Variants in ARID1A observed in about 807,000 individuals in gnomAD.
ARID1A encodes the protein AT-rich interactive domain-containing protein 1A.
A neutral mutation model predicts 212.6 loss-of-function variants in ARID1A; 20 were observed. The observed-to-expected ratio is 0.09, with a 90% CI of 0.07 to 0.14. ARID1A has a LOEUF of 0.14. ARID1A is among the 10% of genes least tolerant of loss of function. The pLI, the probability that ARID1A is intolerant of heterozygous loss-of-function variation, is 1.00. For synonymous variants in ARID1A, 1,376 were observed against 1,222.1 expected (o/e 1.13, Z -2.63); for missense variants, 2,587 against 3,059.0 (o/e 0.85, Z 3.64).
At chr1:26,719,569 G>T (rs1338767125) in intron 1 of ARID1A, among the ~76,000 whole-genome samples, 1 of 151,664 alleles carries the variant, frequency 6.6e-6, no homozygotes, top group Non-Finnish European at 1.5e-5. Context: ...GTTTAAAGAT[G>T]ATTCTGGTGC....
At chr1:26,707,097 A>G (rs1171777414) in intron 1 of ARID1A, among the ~76,000 whole-genome samples, 1 of 150,690 alleles carries the variant, frequency 6.6e-6, no homozygotes, top group East Asian at 1.9e-4. Flanking sequence ...GCAGTGGGGC[A>G]ATTTCAGCTC....
At chr1:26,709,858 A>G (rs147897803) in intron 1 of ARID1A, among the ~76,000 whole-genome samples, 159 of 149,300 alleles carry the variant, frequency 1.1e-3, no homozygotes, top group African/African-American at 3.7e-3. Context: ...TTGGAGACAG[A>G]ATCTCGCTCT....
chr1:26,735,135 TG>T (rs1553149744), intron 4 of ARID1A, among the ~76,000 whole-genome samples: 5 of 149,138 alleles, frequency 3.4e-5, no homozygotes, highest in African/African-American at 7.5e-5. Context: ...TTTTTTTTTT[TG>T]GGGGGAGAGA....
intron 1 of ARID1A, among the ~76,000 whole-genome samples, chr1:26,720,537 A>G (rs2080552732): frequency 1.3e-5 from 2 of 151,914 alleles, no homozygotes; most frequent in Admixed American, 1.3e-4. Flanking sequence ...TTGGGCATGT[A>G]GCCCAAATGC....
rs2081198258 is a variant in ARID1A at position 26,781,793 on chromosome 1, A to C, written c.*1037A>C. ...GTGCGATGCTGTACAGGTCTCTGTA[A>C]AAAGTCCTTGCTGTCTCAGCAGCCA... On this transcript the variant is annotated 3_prime_UTR_variant, in exon 20 of 20. Coordinates refer to ENST00000324856, the MANE Select transcript of ARID1A (RefSeq NM_006015.6). The C allele has an allele frequency of 1.3e-5, 3 of 233,630 alleles. No homozygotes were observed. In the Admixed American group the frequency reaches 1.7e-4, roughly 13 times the overall value. 14.5% of individuals were successfully genotyped at this position (233,630 alleles called of 1,614,324 possible). A position where few individuals can be genotyped will look rare whatever the true frequency, so the allele number is the denominator to read the frequency against.
At position 26,779,217 on chromosome 1, in the gene ARID1A, AGAAGAG is replaced by A; in HGVS notation, c.5325_5330del (p.Glu1779_Glu1780del). The A allele has an allele frequency of 6.2e-7, 1 of 1,613,778 alleles. No individual in the cohort carries two copies. Among genetic ancestry groups the A allele is most frequent in the Non-Finnish European group, 8.5e-7 (1 of 1,179,790 alleles). ...AAGAAGAACTTCTAGGTCCTAAACT[AGAAGAG>A]GAAGAAGAAGAGGAAGTAGTTGAAA... On this transcript the variant is annotated inframe_deletion, in exon 20 of 20. Transcript: ENST00000324856.
chr1:26,755,176 G>A (rs937525668), intron 4 of ARID1A, among the ~76,000 whole-genome samples: 2 of 152,144 alleles, frequency 1.3e-5, no homozygotes, highest in Non-Finnish European at 1.5e-5. Flanking sequence ...TAGAAAATTG[G>A]GTAACTTTGC....
chr1:26,699,464 G>C (rs2080311537), intron 1 of ARID1A, among the ~76,000 whole-genome samples: 1 of 152,144 alleles, frequency 6.6e-6, no homozygotes, highest in Non-Finnish European at 1.5e-5. Flanking sequence ...TGTATTCCCA[G>C]CCCATCCTAG....
intron 4 of ARID1A, among the ~76,000 whole-genome samples, chr1:26,740,684 G>A (rs1473415880): frequency 1.3e-5 from 2 of 152,158 alleles, no homozygotes. Context: ...TAAAACTAAT[G>A]TTTTACAAAA....
intron 1 of ARID1A, among the ~76,000 whole-genome samples, chr1:26,708,798 C>T (rs764447776): frequency 6.6e-6 from 1 of 150,646 alleles, no homozygotes; most frequent in Non-Finnish European, 1.5e-5. Context: ...GGGTTCACGC[C>T]ATTCTCCTGC....
intron 1 of ARID1A, among the ~76,000 whole-genome samples, chr1:26,723,351 T>C (rs148003781): frequency 4.5e-4 from 68 of 152,274 alleles, no homozygotes; most frequent in African/African-American, 1.3e-3. Flanking sequence ...GAGGGTCCCA[T>C]ACTGGAACTG....
chr1:26,710,218 A>C (rs1301635934), intron 1 of ARID1A, among the ~76,000 whole-genome samples: 1 of 148,956 alleles, frequency 6.7e-6, no homozygotes, highest in Non-Finnish European at 1.5e-5. Flanking sequence ...GGTGGATCAC[A>C]AGGTCAAGAG....
At chr1:26,722,748 G>A (rs1418353500) in intron 1 of ARID1A, among the ~76,000 whole-genome samples, 3 of 152,170 alleles carry the variant, frequency 2.0e-5, no homozygotes, top group African/African-American at 2.4e-5. Flanking sequence ...TATGAATGAA[G>A]AGAATCATAG....
intron 19 of ARID1A, chr1:26,778,216 A>C (rs1051101779): frequency 6.6e-6 from 1 of 151,854 alleles, no homozygotes; most frequent in Non-Finnish European, 1.5e-5. Flanking sequence ...GCCAACTGAG[A>C]TCACACCACT....
At chr1:26,755,347 G>A (rs1337466450) in intron 4 of ARID1A, among the ~76,000 whole-genome samples, 1 of 152,188 alleles carries the variant, frequency 6.6e-6, no homozygotes, top group Admixed American at 6.5e-5. Flanking sequence ...TGAGAGGTTG[G>A]CCTCAAGCCA....
intron 4 of ARID1A, among the ~76,000 whole-genome samples, chr1:26,740,273 G>C (rs879887265): frequency 5.9e-5 from 9 of 152,330 alleles, no homozygotes; most frequent in Admixed American, 5.9e-4. Flanking sequence ...TTCCGAATAT[G>C]ATACGATGAT....
In ARID1A at chr1:26,774,249, T is replaced by G. The variant is rs1223423097; in HGVS notation, c.4102-80T>G. On this transcript the variant is annotated intron_variant, in intron 17 of 19. Coordinates refer to ENST00000324856, the MANE Select transcript of ARID1A (RefSeq NM_006015.6). The surrounding 1 kb of genome is among the most constrained non-coding windows in gnomAD (Gnocchi z 5.6). ...GAGTCTGTGTCCACCAAGCATCTGG[T>G]TGTAGCCATCTTGGCATCTGTGGGC... The G allele has an allele frequency of 5.3e-6, 8 of 1,503,788 alleles. No individual in the cohort carries two copies. The Admixed American group carries it at 1.9e-4, about 36-fold the overall frequency. The allele number at this position is 1,503,788 out of a possible 1,614,324, so 93.2% of individuals were successfully genotyped here.
Position 26,729,844 on chromosome 1 carries a change from G to T in ARID1A, c.1331G>T (p.Gly444Val), listed in dbSNP as rs1177707174. The T allele has an allele frequency of 1.2e-6, 2 of 1,614,124 alleles. No homozygotes were observed. The highest frequency in any genetic ancestry group is 1.7e-6 in the Non-Finnish European group (2 of 1,180,030). Residue 444 changes from glycine to valine, a missense_variant, in exon 2 of 20, where the codon GGC becomes GTC. By Grantham distance (109) the Gly-to-Val change is moderately radical. Coordinates refer to ENST00000324856, the MANE Select transcript of ARID1A (RefSeq NM_006015.6). ...MQGRAQSAMG[G>V]LSYTQQIPPY... The stretch of plus-strand genomic sequence containing the variant: ...GGCCGGGCGCAGAGTGCCATGGGCG[G>T]CCTCTCTTATACACAGCAGGTAGAT...
chr1:26,727,426 AAATTT>A (rs1352249995), intron 1 of ARID1A, among the ~76,000 whole-genome samples: 4 of 152,194 alleles, frequency 2.6e-5, no homozygotes, highest in African/African-American at 7.2e-5. Flanking sequence ...ATAAAAATAA[AAATTT>A]AGTTCCTTTG....
Sources: allele counts gnomAD v4.1 joint callset (sites outside exome capture counted in the v4.1 genomes callset), GRCh38; gene constraint gnomAD v4.1.1; non-coding constraint Gnocchi (gnomAD v3.1); transcripts MANE v1.5; gene names NCBI Gene and HGNC (gene_info 2026-07-23, HGNC 2026-07-21).